HNRNPA2B1: variants seen among roughly 807,000 people sequenced by gnomAD.
HNRNPA2B1 encodes the protein heterogeneous nuclear ribonucleoproteins A2/B1.
HNRNPA2B1 carries 3 observed loss-of-function variants against 46.3 expected under a neutral mutation model. The ratio of observed to expected loss-of-function variants is 0.06; its 90% CI spans 0.03 to 0.17. HNRNPA2B1 has a LOEUF of 0.17. Ranked by LOEUF, HNRNPA2B1 falls within the 10% of genes least tolerant of loss-of-function variation. The pLI, the probability that HNRNPA2B1 is intolerant of heterozygous loss-of-function variation, is 1.00. For missense variants in HNRNPA2B1, 221 were observed against 418.9 expected (o/e 0.53, Z 4.12); for synonymous variants, 225 against 133.8 (o/e 1.68, Z -4.70).
Position 26,192,005 on chromosome 7 carries a change from C to T in HNRNPA2B1, c.*355G>A, listed in dbSNP as rs2128106880. 1 of 152,882 alleles carries T rather than the reference C, an allele frequency of 6.5e-6. No homozygotes were observed. The highest frequency in any genetic ancestry group is 1.5e-5 in the Non-Finnish European group (1 of 68,132). The allele number at this position is 152,882 out of a possible 1,614,324, so 9.5% of individuals were successfully genotyped here. ...GAGAAAAATCTTAAAAAAGGTTTCA[C>T]ATGTCACCTGAAACTTACAAATTTA... is the stretch of plus-strand genomic sequence containing the variant. On this transcript the variant is annotated 3_prime_UTR_variant, in exon 11 of 11. Coordinates refer to ENST00000618183, the MANE Select transcript of HNRNPA2B1 (RefSeq NM_002137.4).
At chr7:26,195,989 T>A in intron 6 of HNRNPA2B1, 80 bp from the exon 7 acceptor site, 2 of 1,512,296 alleles carry the variant, frequency 1.3e-6, no homozygotes, top group Non-Finnish European at 1.8e-6. Context: ...GTTCTCTTAC[T>A]ACCTCAGCAC....
chr7:26,199,814 C>T (rs902451266), intron 1 of HNRNPA2B1: 4 of 152,086 alleles, frequency 2.6e-5, no homozygotes, highest in African/African-American at 9.7e-5. Context: ...CGCATTGAAC[C>T]CGGCCCGACG....
At chr7:26,197,118 A>G in intron 3 of HNRNPA2B1, 101 bp from the exon 4 acceptor site, 1 of 1,105,698 alleles carries the variant, frequency 9.0e-7, no homozygotes. Context: ...ATCCACCTTA[A>G]AACTACCAGA....
Position 26,200,668 on chromosome 7 carries a change from G to T in HNRNPA2B1, c.-91C>A. ...GAACACGAACCGGACTCGTCCTGGC[G>T]CTGTAGTGAGAACTGCCGCTGCTCG... On this transcript the variant is annotated 5_prime_UTR_variant, in exon 1 of 11. Transcript: ENST00000618183. 6.6e-7 allele frequency: 1 copy of T among 1,524,074 alleles called. No individual in the cohort carries two copies. The highest frequency in any genetic ancestry group is 9.1e-7 in the Non-Finnish European group (1 of 1,101,786). The allele number at this position is 1,524,074 out of a possible 1,614,324, so 94.4% of individuals were successfully genotyped here.
rs1782880771 is a variant in HNRNPA2B1, at chr7:26,191,213, A to G, written c.*1147T>C. On this transcript the variant is annotated 3_prime_UTR_variant, in exon 11 of 11. Transcript: ENST00000618183. ...GGAGGGGGTGGGAAAAGAAGGAAAAAAAGGGAAAAACAACCAAAATAATTT... is the reference window on the plus strand; with the variant it reads ...GGAGGGGGTGGGAAAAGAAGGAAAAGAAGGGAAAAACAACCAAAATAATTT... The G allele has an allele frequency of 6.6e-6, 1 of 152,474 alleles. No homozygotes were observed. The highest frequency in any genetic ancestry group is 1.5e-5 in the Non-Finnish European group (1 of 67,994). The allele number at this position is 152,474 out of a possible 1,614,324, so 9.4% of individuals were successfully genotyped here.
At position 26,197,386 on chromosome 7, in the gene HNRNPA2B1, C is replaced by A; in HGVS notation, c.193G>T (p.Ala65Ser). The change falls in exon 3 of 11, where the codon GCT becomes TCT. Residue 65 changes from alanine to serine, a missense_variant. By Grantham distance (99) the Ala-to-Ser change is moderately conservative. This residue lies in a region of HNRNPA2B1 where 78 missense variants were observed against 218.5 expected (regional missense o/e 0.36). Coordinates refer to ENST00000618183, the MANE Select transcript of HNRNPA2B1 (RefSeq NM_002137.4). ...VTFSSMAEVD[A>S]AMAARPHSID... Reference sequence around the variant, plus strand: ...GAATGAGGTCTTGCAGCCATGGCAGCATCAACCTCAGCCATGGATGAAAAA... The same window carrying A: ...GAATGAGGTCTTGCAGCCATGGCAGAATCAACCTCAGCCATGGATGAAAAA... 1 of 1,613,920 alleles carries A rather than the reference C, an allele frequency of 6.2e-7. No individual in the cohort carries two copies. The highest frequency in any genetic ancestry group is 8.5e-7 in the Non-Finnish European group (1 of 1,179,820).
At chr7:26,196,015 C>T (rs933780278) in intron 6 of HNRNPA2B1, 106 bp from the exon 7 acceptor site, 4 of 1,398,298 alleles carry the variant, frequency 2.9e-6, no homozygotes, top group Non-Finnish European at 3.8e-6. Flanking sequence ...TTAAGAACCG[C>T]AGAAAAGGAC....
Position 26,190,136 on chromosome 7 carries a change from AAAGT to A in HNRNPA2B1, c.*2220_*2223del, listed in dbSNP as rs1782725865. 6.6e-6 allele frequency: 1 copy of A among 152,656 alleles called. No individual in the cohort carries two copies. The highest frequency in any genetic ancestry group is 2.1e-4 in the South Asian group (1 of 4,828). 9.5% of individuals were successfully genotyped at this position (152,656 alleles called of 1,614,324 possible). On this transcript the variant is annotated 3_prime_UTR_variant, in exon 11 of 11. Transcript: ENST00000618183. ...CATTACACCAAGTATTTGGATACAA[AAAGT>A]ATTTATTTTATAAACTTTATATTTA...
chr7:26,195,565 G>A (rs1258419517), intron 7 of HNRNPA2B1: 4 of 352,690 alleles, frequency 1.1e-5, no homozygotes, highest in African/African-American at 2.2e-5. Context: ...CTTTTCCAGA[G>A]AAGCACGTAC....
intron 3 of HNRNPA2B1, 105 bp downstream of exon 3, chr7:26,197,210 T>G: frequency 2.9e-6 from 4 of 1,379,466 alleles, no homozygotes; most frequent in South Asian, 2.8e-5. Context: ...ACACCTTTAA[T>G]AAGAGAAAAA....
rs148233133 is a variant in HNRNPA2B1 at position 26,195,816 on chromosome 7, TAAAC to T, written c.721+27_721+30del. 4.1e-4 allele frequency: 654 copies of T among 1,605,172 alleles called. 4 individuals are homozygous for T. Among genetic ancestry groups the T allele is most frequent in the East Asian group, 3.5e-3 (156 of 44,754 alleles). On this transcript the variant is annotated intron_variant, in intron 7 of 10. Transcript: ENST00000618183. ...ACGATATAGTTAAGTATTAGTCACA[TAAAC>T]AAACCAAAACGTAGAGGAAAACTGA...
At chr7:26,194,880 G>A (rs1405831501) in intron 7 of HNRNPA2B1, among the ~76,000 whole-genome samples, 2 of 151,630 alleles carry the variant, frequency 1.3e-5, no homozygotes, top group African/African-American at 4.8e-5. Context: ...CAGTTCACGA[G>A]GTCAGGAGTT....
chr7:26,193,923 A>C (rs914715188), intron 7 of HNRNPA2B1, among the ~76,000 whole-genome samples: 2 of 152,194 alleles, frequency 1.3e-5, no homozygotes, highest in Admixed American at 6.5e-5. Flanking sequence ...CTGTAATTCC[A>C]CAGCTTTCCC....
intron 10 of HNRNPA2B1, 38 bp downstream of exon 10, chr7:26,192,457 C>A (rs993518585): frequency 9.4e-6 from 13 of 1,383,938 alleles, no homozygotes; most frequent in Middle Eastern, 3.6e-4. Context: ...CTATGTCTCC[C>A]AAGATAATAA....
At chr7:26,197,054 A>C (rs1783720996) in intron 3 of HNRNPA2B1, 37 bp from the exon 4 acceptor site, 1 of 1,510,286 alleles carries the variant, frequency 6.6e-7, no homozygotes, top group Non-Finnish European at 9.1e-7. Context: ...TCCAAACAGA[A>C]AAAAACACAA....
rs886038701 is a variant in HNRNPA2B1, at chr7:26,192,540, A to T, written c.1002T>A (p.Gly334=). ...YGPGGSGGSG[G]YGGRSRY is the part of the protein sequence containing the mutation. ...CTCAGTATCGGCTCCTCCCACCATA[A>T]CCCCCACTTCCTCCACTGCCTCCTG... The change falls in exon 10 of 11, where the codon GGT becomes GGA. Residue 334 remains glycine, a synonymous_variant. Coordinates refer to ENST00000618183, the MANE Select transcript of HNRNPA2B1 (RefSeq NM_002137.4). 1 of 1,613,814 alleles carries T rather than the reference A, an allele frequency of 6.2e-7. No individual in the cohort carries two copies. The highest frequency in any genetic ancestry group is 1.1e-5 in the South Asian group (1 of 91,052).
Position 26,193,586 on chromosome 7 carries a change from T to G in HNRNPA2B1, c.830A>C (p.Asn277Thr). The G allele has an allele frequency of 6.3e-7, 1 of 1,590,578 alleles. No individual in the cohort carries two copies. The highest frequency in any genetic ancestry group is 1.2e-5 in the South Asian group (1 of 86,658). ...QGGGYGGGYD[N>T]YGGGNYGSGN... is the part of the protein sequence containing the mutation. ...GGTGAATTTATTACCTCCTCCATAG[T>G]TGTCATAACCACCTCCGTAGCCCCC... Residue 277 changes from asparagine (N) to threonine (T), a missense_variant, in exon 8 of 11, where the codon AAC (asparagine) becomes ACC (threonine). Physicochemically the swap from Asn to Thr is moderately conservative, Grantham distance 65. This residue lies in a region of HNRNPA2B1 where 143 missense variants were observed against 200.5 expected (regional missense o/e 0.71). Coordinates refer to ENST00000618183, the MANE Select transcript of HNRNPA2B1 (RefSeq NM_002137.4).
intron 1 of HNRNPA2B1, chr7:26,199,701 G>C (rs895029339): frequency 1.3e-5 from 2 of 151,888 alleles, no homozygotes; most frequent in Non-Finnish European, 2.9e-5. Context: ...TTATTTTGCC[G>C]CGGTTCATCT....
intron 6 of HNRNPA2B1, among the ~76,000 whole-genome samples, chr7:26,196,143 A>G (rs561741239): frequency 6.6e-6 from 1 of 152,352 alleles, no homozygotes; most frequent in African/African-American, 2.4e-5. Context: ...TATACGTAAG[A>G]ATGACACTTG....
Sources: allele counts gnomAD v4.1 joint callset (sites outside exome capture counted in the v4.1 genomes callset), GRCh38; gene constraint gnomAD v4.1.1; regional missense constraint gnomAD v4.1.1; transcripts MANE v1.5; gene names NCBI Gene and HGNC (gene_info 2026-07-23, HGNC 2026-07-21).